SLK: variants seen among roughly 807,000 people sequenced by gnomAD.
SLK encodes the protein STE20 like kinase.
A neutral mutation model predicts 147.7 loss-of-function variants in SLK; 67 were observed. The ratio of observed to expected loss-of-function variants is 0.45; its 90% CI spans 0.37 to 0.56. The LOEUF (loss-of-function observed/expected upper bound fraction) is 0.56. Among genes scored for constraint, SLK ranks in the 20% least tolerant of loss-of-function variants. The pLI is 0.00. For missense variants in SLK, 1,136 were observed against 1,438.8 expected (o/e 0.79, Z 3.41); for synonymous variants, 441 against 475.0 (o/e 0.93, Z 0.93).
intron 4 of SLK, among the ~76,000 whole-genome samples, chr10:103,995,344 C>G (rs890801438): frequency 2.7e-5 from 4 of 150,862 alleles, no homozygotes; most frequent in African/African-American, 9.8e-5. Flanking sequence ...CTTGACAGTT[C>G]TGAGATGTTT....
intron 13 of SLK, among the ~76,000 whole-genome samples, chr10:104,011,735 T>C (rs903443689): frequency 2.0e-5 from 3 of 152,114 alleles, no homozygotes; most frequent in Admixed American, 6.5e-5. Context: ...TAATATTTTG[T>C]ATTTTTAGTA....
rs1844623832 is a variant in SLK, at chr10:104,028,257, C to T, written c.*2537C>T. 1 of 152,212 alleles carries T rather than the reference C, an allele frequency of 6.6e-6. No individual in the cohort carries two copies. Among genetic ancestry groups the T allele is most frequent in the Non-Finnish European group, 1.5e-5 (1 of 68,072 alleles). The allele number at this position is 152,212 out of a possible 1,614,324, so 9.4% of individuals were successfully genotyped here. On this transcript the variant is annotated 3_prime_UTR_variant, in exon 19 of 19. Transcript: ENST00000369755. ...TGCCATGAAACACATACAGACTTCT[C>T]CGAACGTGCACCCTCATCAGCCACC...
At chr10:104,019,120 TA>T (rs1589547072) in intron 15 of SLK, 6 of 435,876 alleles carry the variant, frequency 1.4e-5, no homozygotes, top group Non-Finnish European at 2.5e-5. Flanking sequence ...AGTAACTAAT[TA>T]CAATGCTTAA....
intron 1 of SLK, among the ~76,000 whole-genome samples, chr10:103,984,470 A>G (rs374432856): frequency 5.0e-4 from 76 of 152,210 alleles, no homozygotes; most frequent in African/African-American, 1.7e-3. Flanking sequence ...CTGGAGCGCA[A>G]TGGTGCAATC....
At chr10:104,024,312 T>A (rs895389445) in intron 18 of SLK, among the ~76,000 whole-genome samples, 4 of 152,216 alleles carry the variant, frequency 2.6e-5, no homozygotes, top group Non-Finnish European at 5.9e-5. Context: ...ACCGGAGGAT[T>A]TATCCTCAAG....
chr10:103,970,591 G>A (rs563419411), intron 1 of SLK, among the ~76,000 whole-genome samples: 157 of 152,104 alleles, frequency 1.0e-3, no homozygotes, highest in African/African-American at 3.5e-3. Context: ...AAACTTATCT[G>A]TCTTCTTATG....
chr10:104,006,027 G>A lies in SLK; in HGVS notation c.2596G>A (p.Glu866Lys), dbSNP rs1487804242. 1 of 1,611,774 alleles carries A rather than the reference G, an allele frequency of 6.2e-7. No individual in the cohort carries two copies. Among genetic ancestry groups the A allele is most frequent in the Non-Finnish European group, 8.5e-7 (1 of 1,179,484 alleles). ...REQIFRRFEQ[E>K]MMSKKRQYDQ... Reference sequence around the variant, plus strand: ...ACAAATTTTCCGGCGCTTTGAGCAGGAAATGATGGTAAAGTCTGATTGTTA... The same window carrying A: ...ACAAATTTTCCGGCGCTTTGAGCAGAAAATGATGGTAAAGTCTGATTGTTA... The change falls in exon 11 of 19, where the codon GAA (glutamate) becomes AAA (lysine). Residue 866 changes from glutamate (E) to lysine (K), a missense_variant. Coordinates refer to ENST00000369755, the MANE Select transcript of SLK (RefSeq NM_014720.4).
At chr10:104,016,119 C>T (rs752773123) in intron 13 of SLK, among the ~76,000 whole-genome samples, 9 of 152,046 alleles carry the variant, frequency 5.9e-5, no homozygotes, top group Non-Finnish European at 1.0e-4. Context: ...GAGATCAAGA[C>T]CATCCTGGCT....
rs746537377 is a variant in SLK, at chr10:103,992,980, A to G, written c.365-4A>G. The G allele has an allele frequency of 1.1e-5, 17 of 1,602,674 alleles. No homozygotes were observed. In the East Asian group the frequency reaches 3.4e-4, roughly 32 times the overall value. Reference sequence around the variant, plus strand: ...AGATTTTTTTTTTTACTTTCTCCTTATAGAACTTGAGAGACCATTAACTGA... The same window carrying G: ...AGATTTTTTTTTTTACTTTCTCCTTGTAGAACTTGAGAGACCATTAACTGA... On this transcript the variant is annotated splice_region_variant and splice_polypyrimidine_tract_variant and intron_variant, in intron 3 of 18. Transcript: ENST00000369755.
chr10:103,978,479 C>G (rs1241773149), intron 1 of SLK, among the ~76,000 whole-genome samples: 1 of 151,916 alleles, frequency 6.6e-6, no homozygotes, highest in African/African-American at 2.4e-5. Flanking sequence ...CTTTTATGTA[C>G]CAAAATGAGA....
Position 104,005,979 on chromosome 10 carries a change from A to G in SLK, c.2548A>G (p.Ser850Gly). ...EEQRAQQQLN[S>G]KLQQQREQIF... is the part of the protein sequence containing the mutation. ...GCAAAGAGCCCAACAACAGCTCAAT[A>G]GCAAACTACAGCAACAACGAGAACA... Residue 850 changes from serine (S) to glycine (G), a missense_variant, in exon 11 of 19, where the codon AGC becomes GGC. Physicochemically the swap from Ser to Gly is moderately conservative, Grantham distance 56. Transcript: ENST00000369755. 6.2e-7 allele frequency: 1 copy of G among 1,612,816 alleles called. No individual in the cohort carries two copies. The highest frequency in any genetic ancestry group is 2.2e-5 in the East Asian group (1 of 44,852).
intron 1 of SLK, among the ~76,000 whole-genome samples, chr10:103,980,444 C>G (rs955226082): frequency 6.6e-6 from 1 of 152,108 alleles, no homozygotes; most frequent in African/African-American, 2.4e-5. Context: ...CATCATGCCT[C>G]TTATCTTTTA....
intron 1 of SLK, among the ~76,000 whole-genome samples, chr10:103,970,081 G>T (rs9988667): frequency 6.6e-6 from 1 of 152,100 alleles, no homozygotes. Flanking sequence ...TATTTGTCCT[G>T]TGCCTAACTT....
intron 17 of SLK, 43 bp downstream of exon 17, chr10:104,020,656 A>C (rs1371383226): frequency 6.3e-7 from 1 of 1,582,602 alleles, no homozygotes; most frequent in Non-Finnish European, 8.6e-7. Context: ...AGGATGCGGC[A>C]GCACAAGTGG....
chr10:103,972,489 G>A (rs1327543715), intron 1 of SLK, among the ~76,000 whole-genome samples: 2 of 152,088 alleles, frequency 1.3e-5, no homozygotes, highest in Admixed American at 6.5e-5. Context: ...TGGCTAACAC[G>A]GTGAAACCCC....
rs1294459264 is a variant in SLK at position 104,024,527 on chromosome 10, G to C, written c.3562-1047G>C. Among the ~76,000 whole-genome samples, 5 of 152,240 alleles carry C rather than the reference G, an allele frequency of 3.3e-5. 1 individual carries two copies. In the South Asian group the frequency reaches 1.0e-3, roughly 32 times the overall value. On this transcript the variant is annotated intron_variant, in intron 18 of 18. Coordinates refer to ENST00000369755, the MANE Select transcript of SLK (RefSeq NM_014720.4). The stretch of plus-strand genomic sequence containing the variant: ...GGTATAATGGCCACTCCTCATACCA[G>C]CTCCTCGGCTTCCTGCCTTTGTGCT...
intron 11 of SLK, among the ~76,000 whole-genome samples, chr10:104,007,926 TG>T (rs1844349218): frequency 2.0e-5 from 3 of 152,140 alleles, no homozygotes; most frequent in African/African-American, 7.2e-5. Flanking sequence ...CACTCCAGCC[TG>T]GGTGACAGAG....
Position 104,003,296 on chromosome 10 carries a change from G to T in SLK, c.2118G>T (p.Gln706His), listed in dbSNP as rs761534756. The change falls in exon 9 of 19, where the codon CAG (glutamine) becomes CAT (histidine). Residue 706 changes from glutamine (Q) to histidine (H), a missense_variant. Gln to His is a conservative substitution (Grantham distance 24). This residue lies in a region of SLK where 516 missense variants were observed against 531.3 expected (regional missense o/e 0.97). Coordinates refer to ENST00000369755, the MANE Select transcript of SLK (RefSeq NM_014720.4). The part of the protein sequence containing the change: ...VTVVSQPTEP[Q>H]PVLIPSININ... ...TAGTTTCACAGCCCACTGAACCTCA[G>T]CCTGTTCTAATACCCAGTATTAATA... is the stretch of plus-strand genomic sequence containing the variant. 6.2e-7 allele frequency: 1 copy of T among 1,614,076 alleles called. No homozygotes were observed. Among genetic ancestry groups the T allele is most frequent in the South Asian group, 1.1e-5 (1 of 91,082 alleles).
chr10:104,009,196 C>T (rs931065534), intron 12 of SLK, among the ~76,000 whole-genome samples: 5 of 152,062 alleles, frequency 3.3e-5, no homozygotes, highest in South Asian at 2.1e-4. Flanking sequence ...TATAGGAAGA[C>T]GATTTGCCTT....
Sources: gnomAD v4.1 joint callset for allele counts (sites outside exome capture counted in the v4.1 genomes callset) on GRCh38, gnomAD v4.1.1 for gene constraint, gnomAD v4.1.1 regional missense constraint, MANE v1.5 for transcripts, NCBI Gene and HGNC (gene_info 2026-07-23, HGNC 2026-07-21) for gene names.